The following DYNC2I1 variants were observed in gnomAD, a reference collection of about 807,000 sequenced individuals.
DYNC2I1 encodes cytoplasmic dynein 2 intermediate chain 1.
A neutral mutation model predicts 133.4 loss-of-function variants in DYNC2I1; 89 were observed. That is an observed-to-expected ratio of 0.67 (90% CI 0.56 to 0.80). The LOEUF (loss-of-function observed/expected upper bound fraction) is 0.80, where lower values mean the gene tolerates loss of function less well. DYNC2I1 is among the 30% of genes least tolerant of loss of function. The probability of loss-of-function intolerance (pLI) is 0.00; values close to 1 mark genes in which losing one functional copy is unlikely to be tolerated. For synonymous variants in DYNC2I1, 504 were observed against 484.3 expected (o/e 1.04, Z -0.54); for missense variants, 1,291 against 1,314.5 (o/e 0.98, Z 0.28).
chr7:158,881,297 T>C (rs1364450981), intron 5 of DYNC2I1, among the ~76,000 whole-genome samples: 1 of 152,176 alleles, frequency 6.6e-6, no homozygotes, highest in African/African-American at 2.4e-5. Flanking sequence ...CCGTGTTTCT[T>C]AGCAGGTTTG....
chr7:158,856,228 G>A (rs1467238712), upstream of DYNC2I1, among the ~76,000 whole-genome samples: 1 of 152,076 alleles, frequency 6.6e-6, no homozygotes, highest in East Asian at 1.9e-4. Context: ...TTACAGGGGT[G>A]AGCCACCGCG....
chr7:158,908,807 G>C (rs1176894680), intron 11 of DYNC2I1, among the ~76,000 whole-genome samples: 1 of 152,136 alleles, frequency 6.6e-6, no homozygotes, highest in Non-Finnish European at 1.5e-5. Context: ...AATACCTGTC[G>C]GTGGCTCAAG....
At chr7:158,922,187 C>T (rs555227334) in intron 15 of DYNC2I1, among the ~76,000 whole-genome samples, 190 bp from the exon 16 acceptor site, 10 of 152,308 alleles carry the variant, frequency 6.6e-5, no homozygotes, top group Non-Finnish European at 1.2e-4. Flanking sequence ...CTGAGGTCAG[C>T]TTGGACAGAG....
At chr7:158,944,908 G>A (rs893249780) in intron 24 of DYNC2I1, among the ~76,000 whole-genome samples, 4 of 152,188 alleles carry the variant, frequency 2.6e-5, no homozygotes, top group South Asian at 4.1e-4. Flanking sequence ...GAGACTGGGC[G>A]TGTTTCTACC....
intron 4 of DYNC2I1, among the ~76,000 whole-genome samples, chr7:158,954,202 A>ATG (rs1376477113): frequency 6.6e-6 from 1 of 152,168 alleles, no homozygotes; most frequent in East Asian, 1.9e-4. Context: ...CTCCCCAGCC[A>ATG]TGTGGAACTG....
At chr7:158,954,999 G>A (rs1166315674) in intron 4 of DYNC2I1, among the ~76,000 whole-genome samples, 3 of 151,580 alleles carry the variant, frequency 2.0e-5, no homozygotes, top group Non-Finnish European at 4.4e-5. Context: ...CCATTCTAGT[G>A]GGACAGTAAG....
intron 10 of DYNC2I1, chr7:158,905,321 A>G (rs1165096975): frequency 2.3e-5 from 7 of 307,738 alleles, no homozygotes; most frequent in Non-Finnish European, 4.4e-5. Context: ...TTGTATTTTT[A>G]GTAGAGACGG....
At chr7:158,882,741 T>C (rs1177375986) in intron 5 of DYNC2I1, among the ~76,000 whole-genome samples, 2 of 152,098 alleles carry the variant, frequency 1.3e-5, no homozygotes, top group East Asian at 3.9e-4. Context: ...CCAAGTATGG[T>C]GGCACGTGCC....
intron 8 of DYNC2I1, among the ~76,000 whole-genome samples, chr7:158,893,739 TATC>T (rs1385034126): frequency 2.0e-5 from 3 of 152,110 alleles, no homozygotes; most frequent in Non-Finnish European, 2.9e-5. Context: ...TCACACCGCA[TATC>T]ATACCATATA....
the DYNC2I1 span, among the ~76,000 whole-genome samples, chr7:158,847,361 AGT>A: frequency 8.5e-5 from 13 of 152,322 alleles, no homozygotes; most frequent in Admixed American, 5.9e-4. Context: ...CACTTTAAAT[AGT>A]GACTCTTAAA....
chr7:158,932,076 C>T (rs1029501636), intron 21 of DYNC2I1, among the ~76,000 whole-genome samples: 2 of 152,146 alleles, frequency 1.3e-5, no homozygotes, highest in African/African-American at 4.8e-5. Context: ...CCCAGAATCA[C>T]GTGGCTGGGA....
At chr7:158,847,317 G>A in the DYNC2I1 span, among the ~76,000 whole-genome samples, 203 of 152,176 alleles carry the variant, frequency 1.3e-3, 1 homozygote, top group Non-Finnish European at 1.9e-3. Flanking sequence ...TAAAGAAAAT[G>A]CATTTTTTTC....
chr7:158,859,185 G>T (rs970743485), intron 1 of DYNC2I1, among the ~76,000 whole-genome samples: 1 of 150,796 alleles, frequency 6.6e-6, no homozygotes, highest in Non-Finnish European at 1.5e-5. Context: ...TTAGACAAGA[G>T]TATATGTGGG....
In DYNC2I1 at chr7:158,945,725, G is replaced by A. The variant is rs559931057; in HGVS notation, c.3147G>A (p.Arg1049=). 10 of 1,603,426 alleles carry A rather than the reference G, an allele frequency of 6.2e-6. No homozygotes were observed. In the East Asian group the frequency reaches 1.8e-4, roughly 29 times the overall value. Residue 1049 remains arginine, a synonymous_variant, in exon 25 of 25, where the codon AGG becomes AGA. Transcript: ENST00000407559. The surrounding 1 kb of genome is among the most constrained non-coding windows in gnomAD (Gnocchi z 4.1). The part of the protein sequence containing the change: ...WAAPEVDECN[R]LRLLLQEALW... ...CCCCGGAGGTGGACGAGTGCAACAG[G>A]CTGCGTCTGCTTTTGCAGGAAGCCC...
At chr7:158,909,691 G>A (rs1437855459) in intron 11 of DYNC2I1, among the ~76,000 whole-genome samples, 1 of 152,162 alleles carries the variant, frequency 6.6e-6, no homozygotes, top group African/African-American at 2.4e-5. Flanking sequence ...GAAGAGCCGA[G>A]GTCCTGGAAA....
At chr7:158,915,169 TGGTTG>T (rs1436761498) in intron 14 of DYNC2I1, among the ~76,000 whole-genome samples, 4 of 151,968 alleles carry the variant, frequency 2.6e-5, no homozygotes, top group African/African-American at 9.7e-5. Flanking sequence ...GTCAACACGC[TGGTTG>T]ACAGGATGAT....
At chr7:158,870,936 A>G (rs562630549) in intron 2 of DYNC2I1, among the ~76,000 whole-genome samples, 1 of 152,342 alleles carries the variant, frequency 6.6e-6, no homozygotes, top group Admixed American at 6.5e-5. Flanking sequence ...GTAGAAATCT[A>G]AGCTTGACTC....
chr7:158,870,571 C>T (rs1842792076), intron 2 of DYNC2I1, among the ~76,000 whole-genome samples: 1 of 151,918 alleles, frequency 6.6e-6, no homozygotes, highest in Non-Finnish European at 1.5e-5. Context: ...GGGGATCTTG[C>T]TATGTTGCTT....
Position 158,942,031 on chromosome 7 carries a change from G to A in DYNC2I1, c.2885G>A (p.Trp962Ter). 6.2e-7 allele frequency: 1 copy of A among 1,613,488 alleles called. No individual in the cohort carries two copies. The highest frequency in any genetic ancestry group is 8.5e-7 in the Non-Finnish European group (1 of 1,179,784). The stretch of plus-strand genomic sequence containing the variant: ...AGCCATGCGGTCACCGGCCTGCAGT[G>A]GTCCCCAACCAGGCCTGCCGTGTTC... ...TDSHAVTGLQ[W>*]SPTRPAVFLV... Residue 962 changes from tryptophan to a stop codon, truncating the protein, a stop_gained, in exon 24 of 25, where the codon TGG becomes TAG. Coordinates refer to ENST00000407559, the MANE Select transcript of DYNC2I1 (RefSeq NM_018051.5). LOFTEE classifies it high-confidence loss of function.
Sources: gnomAD v4.1 joint callset for allele counts (sites outside exome capture counted in the v4.1 genomes callset) on GRCh38, gnomAD v4.1.1 for gene constraint, Gnocchi (gnomAD v3.1) non-coding constraint, MANE v1.5 for transcripts, NCBI Gene and HGNC (gene_info 2026-07-23, HGNC 2026-07-21) for gene names.